The following PIN4 variants were observed in gnomAD, a reference collection of about 807,000 sequenced individuals.
The protein encoded by PIN4 is peptidyl-prolyl cis-trans isomerase NIMA-interacting 4.
A neutral mutation model predicts 8.3 loss-of-function variants in PIN4; 3 were observed. That is an observed-to-expected ratio of 0.36 (90% CI 0.16 to 0.93). PIN4 has a LOEUF of 0.93. PIN4 is among the 40% of genes least tolerant of loss of function. The pLI is 0.44. For missense variants in PIN4, 75 were observed against 100.6 expected, an observed-to-expected ratio of 0.75 and a Z score of 1.09; for synonymous variants, 18 against 32.5, an observed-to-expected ratio of 0.55 and a Z score of 1.52.
intron 2 of PIN4, among the ~76,000 whole-genome samples, chrX:72,191,444 G>A (rs1258412265): frequency 9.0e-6 from 1 of 111,165 alleles, no homozygotes; most frequent in Non-Finnish European, 1.9e-5. Flanking sequence ...TCAGCTACTC[G>A]GGAGGCTGAG....
chrX:72,237,833 T>G (rs1188480550), intron 3 of PIN4: 2 of 110,444 alleles, frequency 1.8e-5, no homozygotes, highest in Non-Finnish European at 3.8e-5. Context: ...GCACCCACCT[T>G]AAGTCCCAGC....
At chrX:72,223,587 C>T (rs1291257903) in intron 3 of PIN4, among the ~76,000 whole-genome samples, 6 of 109,971 alleles carry the variant, frequency 5.5e-5, no homozygotes, top group African/African-American at 2.0e-4. Context: ...CGGGGTTTCG[C>T]CATGTTGGTC....
intron 3 of PIN4, chrX:72,205,511 A>C: frequency 8.3e-7 from 1 of 1,211,371 alleles, no homozygotes; most frequent in Non-Finnish European, 1.1e-6. Context: ...GAGTTCATAG[A>C]CTTATTTACA....
At chrX:72,185,163 A>AAAAAAAAAAC (rs1556391325) in intron 1 of PIN4, among the ~76,000 whole-genome samples, 1 of 104,698 alleles carries the variant, frequency 9.6e-6, no homozygotes. Context: ...AAAAAAAAAA[A>AAAAAAAAAAC]AAACAACTTT....
chrX:72,242,672 C>G (rs764359345), intron 3 of PIN4, among the ~76,000 whole-genome samples: 23 of 112,527 alleles, frequency 2.0e-4, no homozygotes, highest in African/African-American at 7.4e-4. Context: ...TGCATCTACC[C>G]CAATCAAGGG....
intron 3 of PIN4, among the ~76,000 whole-genome samples, chrX:72,235,432 G>C (rs1159080011): frequency 4.5e-5 from 2 of 44,764 alleles, no homozygotes; most frequent in African/African-American, 1.9e-4. Context: ...TTTCACTTTT[G>C]TAGCCTAGGC....
rs760306653 is a variant in PIN4, at chrX:72,233,537, AT to A, written c.313-29169del. 3.2e-3 allele frequency among the ~76,000 whole-genome samples: 351 copies of A among 109,910 alleles called. 5 individuals are homozygous for A. Among genetic ancestry groups the A allele is most frequent in the Admixed American group, 0.03 (309 of 10,250 alleles). On this transcript the variant is annotated intron_variant, in intron 3 of 3. Transcript: ENST00000423432. ...GGAGTTCAGGACCAGCCTGGCCAAC[AT>A]GGTGAAACCCTGTCTCTACTAAAAA...
chrX:72,241,650 C>T (rs2043049512), intron 3 of PIN4, among the ~76,000 whole-genome samples: 1 of 111,473 alleles, frequency 9.0e-6, no homozygotes, highest in Non-Finnish European at 1.9e-5. Flanking sequence ...AACCCTGTCT[C>T]TACTAAAAAT....
intron 3 of PIN4, chrX:72,204,962 A>T: frequency 2.0e-6 from 2 of 1,023,040 alleles, no homozygotes; most frequent in Non-Finnish European, 2.6e-6. Context: ...ATGGGAACAA[A>T]AATTCCCTCA....
chrX:72,217,435 A>G (rs764777102), intron 3 of PIN4, among the ~76,000 whole-genome samples: 1 of 111,886 alleles, frequency 8.9e-6, no homozygotes, highest in East Asian at 2.8e-4. Flanking sequence ...ATATTACAGA[A>G]AGCCTTACGC....
At chrX:72,202,123 T>C (rs1360564272), downstream of PIN4, among the ~76,000 whole-genome samples, 1 of 112,880 alleles carries the variant, frequency 8.9e-6, no homozygotes, top group Admixed American at 9.3e-5. Context: ...CTCCAGACCC[T>C]ATTTTCCTGC....
intron 3 of PIN4, chrX:72,208,546 C>T: frequency 8.3e-7 from 1 of 1,211,710 alleles, no homozygotes; most frequent in Non-Finnish European, 1.1e-6. Flanking sequence ...TTCATCATCT[C>T]CCTGTTCTGC....
chrX:72,250,796 G>A (rs1228970343), intron 3 of PIN4, among the ~76,000 whole-genome samples: 2 of 96,187 alleles, frequency 2.1e-5, no homozygotes, highest in African/African-American at 7.9e-5. Flanking sequence ...CTGGAGTGCA[G>A]TGCCGCAATC....
chrX:72,213,368 C>T (rs767554963), intron 3 of PIN4, among the ~76,000 whole-genome samples: 49 of 111,766 alleles, frequency 4.4e-4, no homozygotes, highest in Non-Finnish European at 7.5e-5. Context: ...CCCGAGAGCA[C>T]AGGGGGAGGG....
At chrX:72,261,249 C>T (rs1406755037) in intron 3 of PIN4, among the ~76,000 whole-genome samples, 1 of 101,327 alleles carries the variant, frequency 9.9e-6, no homozygotes, top group Non-Finnish European at 2.0e-5. Context: ...TGAGCCGAGA[C>T]GTGCCATTGC....
At chrX:72,244,484 T>A (rs774131968) in intron 3 of PIN4, among the ~76,000 whole-genome samples, 7 of 111,519 alleles carry the variant, frequency 6.3e-5, no homozygotes, top group Non-Finnish European at 1.1e-4. Context: ...CAGGCTAAGA[T>A]GGTTGGAGCA....
At chrX:72,181,677 A>G (rs1313617752), upstream of PIN4, 7 of 823,612 alleles carry the variant, frequency 8.5e-6, no homozygotes, top group Middle Eastern at 8.2e-4. Context: ...AGAACGGTCA[A>G]TTGAGATGCG....
In PIN4 at chrX:72,215,998, A is replaced by G. The variant is rs1453570202; in HGVS notation, c.312+19094A>G. 2.7e-5 allele frequency among the ~76,000 whole-genome samples: 3 copies of G among 110,695 alleles called. No individual in the cohort carries two copies. In the Admixed American group the frequency reaches 2.9e-4, roughly 11 times the overall value. On this transcript the variant is annotated intron_variant, in intron 3 of 3. Coordinates refer to the PIN4 transcript ENST00000423432. ...TTGTTGTCAATGTCCTTCTGATTCT[A>G]TGTACATTTCCCAGAAGATTTTATC...
chrX:72,238,878 C>T (rs1377036783), intron 3 of PIN4: 16 of 1,196,896 alleles, frequency 1.3e-5, no homozygotes, highest in Non-Finnish European at 1.7e-5. Flanking sequence ...GGGCTCAAGG[C>T]CTCGGCTTCC....
Sources: allele counts gnomAD v4.1 joint callset (sites outside exome capture counted in the v4.1 genomes callset), GRCh38; gene constraint gnomAD v4.1.1; transcripts MANE v1.5; gene names NCBI Gene and HGNC (gene_info 2026-07-23, HGNC 2026-07-21).